The following UPF2 variants were observed in gnomAD, a reference collection of about 807,000 sequenced individuals.
UPF2 encodes the protein regulator of nonsense transcripts 2.
In UPF2, 17 loss-of-function variants were observed where a neutral mutation model predicts 141.4. That is an observed-to-expected ratio of 0.12 (90% confidence interval 0.08 to 0.18). The LOEUF (loss-of-function observed/expected upper bound fraction) is 0.18, where lower values mean the gene tolerates loss of function less well. Among genes scored for constraint, UPF2 ranks in the 10% least tolerant of loss-of-function variants. The probability of loss-of-function intolerance (pLI) is 1.00; values close to 1 mark genes in which losing one functional copy is unlikely to be tolerated. For synonymous variants in UPF2, 540 were observed against 498.0 expected, an observed-to-expected ratio of 1.08 and a Z score of -1.12; for missense variants, 1,152 against 1,515.9, an observed-to-expected ratio of 0.76 and a Z score of 3.99.
At chr10:11,949,898 A>C (rs1833051669) in intron 15 of UPF2, among the ~76,000 whole-genome samples, 1 of 152,236 alleles carries the variant, frequency 6.6e-6, no homozygotes, top group South Asian at 2.1e-4. Flanking sequence ...GAATCAACCT[A>C]AGAGTGAAAC....
chr10:11,967,511 A>G (rs1410367857), intron 9 of UPF2, 57 bp from the exon 10 acceptor site: 2 of 1,099,804 alleles, frequency 1.8e-6, no homozygotes, highest in African/African-American at 1.7e-5. Flanking sequence ...CTCTGTGATA[A>G]AAACTATTAT....
chr10:11,958,784 T>C (rs574969378), intron 12 of UPF2, among the ~76,000 whole-genome samples: 5 of 152,296 alleles, frequency 3.3e-5, no homozygotes, highest in African/African-American at 7.2e-5. Flanking sequence ...GCCAGAGACG[T>C]TCAAAATTAC....
chr10:11,970,682 C>T (rs1025747008), intron 9 of UPF2, among the ~76,000 whole-genome samples: 2 of 151,988 alleles, frequency 1.3e-5, no homozygotes, highest in Non-Finnish European at 2.9e-5. Context: ...CATGGTGGCA[C>T]GTGCCTGTAA....
chr10:12,040,614 A>C (rs1296210264), intron 1 of UPF2, among the ~76,000 whole-genome samples: 1 of 152,182 alleles, frequency 6.6e-6, no homozygotes, highest in African/African-American at 2.4e-5. Context: ...AAAAAAGACA[A>C]AAATCTAGAA....
chr10:11,926,284 G>A (rs1832711965), intron 21 of UPF2, among the ~76,000 whole-genome samples: 1 of 152,206 alleles, frequency 6.6e-6, no homozygotes, highest in African/African-American at 2.4e-5. Flanking sequence ...CTGGGGAAGA[G>A]GAGTCTGGGG....
chr10:11,952,364 A>AAAG, intron 14 of UPF2, 115 bp from the exon 15 acceptor site: 3 of 908,152 alleles, frequency 3.3e-6, no homozygotes, highest in Non-Finnish European at 4.8e-6. Flanking sequence ...AAAGGTTATA[A>AAAG]AAGACACTTA....
At chr10:11,987,789 A>G (rs964194183) in intron 8 of UPF2, among the ~76,000 whole-genome samples, 12 of 141,368 alleles carry the variant, frequency 8.5e-5, no homozygotes, top group Non-Finnish European at 1.5e-4. Flanking sequence ...AAAAAAAAAA[A>G]GGCTAAAGGA....
intron 19 of UPF2, among the ~76,000 whole-genome samples, chr10:11,934,802 C>G (rs540117570): frequency 2.0e-5 from 3 of 152,208 alleles, no homozygotes; most frequent in South Asian, 2.1e-4. Context: ...GTTGGTCAGG[C>G]TGGTCTTGAA....
chr10:12,021,240 A>C (rs544444767), intron 3 of UPF2, among the ~76,000 whole-genome samples: 8 of 152,252 alleles, frequency 5.3e-5, no homozygotes, highest in Non-Finnish European at 8.8e-5. Context: ...ATCAATTAAG[A>C]TCATATAGGC....
Position 11,936,626 on chromosome 10 carries a change from T to C in UPF2, c.3465A>G (p.Pro1155=), listed in dbSNP as rs1832854549. The change falls in exon 19 of 22, where the codon CCA becomes CCG. Residue 1155 remains proline (P), a synonymous_variant. Coordinates refer to ENST00000357604, the MANE Select transcript of UPF2 (RefSeq NM_015542.4). The surrounding 1 kb of genome is among the most constrained non-coding windows in gnomAD (Gnocchi z 6.6). ...CAGCCTCTCCTTCCCCACCTCCCAG[T>C]GGGGGCCCTTTCCTCAGCTGGCTTT... ...HLKSQLRKGP[P]LGGGEGEAES... 6.2e-7 allele frequency: 1 copy of C among 1,613,502 alleles called. No homozygotes were observed. The highest frequency in any genetic ancestry group is 1.1e-5 in the South Asian group (1 of 90,926).
At chr10:11,932,336 A>G (rs1026854417) in intron 19 of UPF2, among the ~76,000 whole-genome samples, 5 of 152,188 alleles carry the variant, frequency 3.3e-5, no homozygotes, top group African/African-American at 1.2e-4. Context: ...TGATGATGGT[A>G]CTAATCACAA....
Position 12,035,124 on chromosome 10 carries a change from T to C in UPF2, c.300A>G (p.Glu100=), listed in dbSNP as rs760368625. The change falls in exon 2 of 22, where the codon GAA becomes GAG. Residue 100 remains glutamate, a synonymous_variant. Transcript: ENST00000357604. The part of the protein sequence containing the change: ...EEEEKKKHQE[E]ERKKQEEQAK... ...CCTGCTCTTCTTGCTTCTTTCTCTC[T>C]TCCTCTTGATGTTTCTTTTTTTCTT... 1 of 1,595,216 alleles carries C rather than the reference T, an allele frequency of 6.3e-7. No individual in the cohort carries two copies. The highest frequency in any genetic ancestry group is 8.5e-7 in the Non-Finnish European group (1 of 1,175,912).
intron 4 of UPF2, among the ~76,000 whole-genome samples, chr10:12,011,189 C>G (rs556510744): frequency 6.6e-6 from 1 of 152,210 alleles, no homozygotes; most frequent in Non-Finnish European, 1.5e-5. Flanking sequence ...GACAGGGTCT[C>G]GCTATGTTAC....
chr10:12,006,218 A>G (rs1446734724), intron 4 of UPF2, among the ~76,000 whole-genome samples: 1 of 152,220 alleles, frequency 6.6e-6, no homozygotes, highest in Non-Finnish European at 1.5e-5. Flanking sequence ...GTCAATTGAT[A>G]ACTGGAAAAG....
rs889327520 is a variant in UPF2 at position 12,029,498 on chromosome 10, T to A, written c.392A>T (p.His131Leu). The A allele has an allele frequency of 4.4e-6, 7 of 1,594,276 alleles. No homozygotes were observed. The highest frequency in any genetic ancestry group is 6.0e-6 in the Non-Finnish European group (7 of 1,174,958). ...ATGATGTCGTTCCCAAGCTTCCTGA[T>A]GAAGCTGAATGGATTCTTCTTTTTC... is the stretch of plus-strand genomic sequence containing the variant. ...MKEKEESIQL[H>L]QEAWERHHLR... The change falls in exon 3 of 22, where the codon CAT becomes CTT. Residue 131 changes from histidine (H) to leucine (L), a missense_variant. Transcript: ENST00000357604.
intron 16 of UPF2, among the ~76,000 whole-genome samples, 179 bp downstream of exon 16, chr10:11,948,190 G>A (rs1427930705): frequency 2.8e-5 from 4 of 141,798 alleles, no homozygotes; most frequent in African/African-American, 7.9e-5. Flanking sequence ...AGAGGTTGCA[G>A]TGAGCCGAGA....
Position 11,956,844 on chromosome 10 carries a change from A to C in UPF2, c.2371-321T>G, listed in dbSNP as rs2131190831. Among the ~76,000 whole-genome samples, 1 of 152,130 alleles carries C rather than the reference A, an allele frequency of 6.6e-6. No homozygotes were observed. The highest frequency in any genetic ancestry group is 1.5e-5 in the Non-Finnish European group (1 of 67,984). The stretch of plus-strand genomic sequence containing the variant: ...GTAGGTTTCTTTTTCCCCCCCAGAC[A>C]CAGTCTCACTCTGTCACCCAGGCTG... On this transcript the variant is annotated intron_variant, in intron 12 of 21. Transcript: ENST00000357604. This position sits in a 1 kb window ranked among gnomAD's most constrained non-coding sequence, Gnocchi z 4.2.
At chr10:12,023,458 A>C (rs1834351792) in intron 3 of UPF2, among the ~76,000 whole-genome samples, 1 of 150,342 alleles carries the variant, frequency 6.7e-6, no homozygotes, top group Admixed American at 6.7e-5. Flanking sequence ...GAAGATCATG[A>C]GGTCAAGAGA....
intron 9 of UPF2, among the ~76,000 whole-genome samples, chr10:11,969,640 CTT>C (rs1363198936): frequency 6.6e-6 from 1 of 152,118 alleles, no homozygotes; most frequent in African/African-American, 2.4e-5. Flanking sequence ...CATAAAGAAA[CTT>C]TCACAAATAA....
Sources: gnomAD v4.1 joint callset for allele counts (sites outside exome capture counted in the v4.1 genomes callset) on GRCh38, gnomAD v4.1.1 for gene constraint, Gnocchi (gnomAD v3.1) non-coding constraint, MANE v1.5 for transcripts, NCBI Gene and HGNC (gene_info 2026-07-23, HGNC 2026-07-21) for gene names.